Variants in TRIM33 observed in about 807,000 individuals in gnomAD.
TRIM33 encodes tripartite motif containing 33.
In TRIM33, 20 loss-of-function variants were observed where a neutral mutation model predicts 125.4. The ratio of observed to expected loss-of-function variants is 0.16; its 90% CI spans 0.11 to 0.23. The LOEUF (loss-of-function observed/expected upper bound fraction) is 0.23, where lower values mean the gene tolerates loss of function less well. Ranked by LOEUF, TRIM33 falls within the 10% of genes least tolerant of loss-of-function variation. TRIM33 has a pLI of 1.00. For synonymous variants in TRIM33, 564 were observed against 513.9 expected, an observed-to-expected ratio of 1.10 and a Z score of -1.32; for missense variants, 920 against 1,411.4, an observed-to-expected ratio of 0.65 and a Z score of 5.58.
intron 5 of TRIM33, among the ~76,000 whole-genome samples, chr1:114,432,431 T>C (rs1272530517): frequency 2.6e-5 from 4 of 152,284 alleles, no homozygotes; most frequent in South Asian, 2.1e-4. Context: ...CAATGGAGTG[T>C]GTGTGTGTGT....
chr1:114,482,195 T>C (rs1483656579), intron 1 of TRIM33, among the ~76,000 whole-genome samples: 4 of 152,132 alleles, frequency 2.6e-5, no homozygotes, highest in African/African-American at 7.2e-5. Flanking sequence ...CTTAATTTTG[T>C]CACATATGGC....
rs1335228534 is a variant in TRIM33, at chr1:114,394,532, T to C, written c.*3116A>G. ...AAAAGCATTATTTATTTCAATTAAC[T>C]AAAAATTCCAAAACTTATCACAAAA... is the stretch of plus-strand genomic sequence containing the variant. On this transcript the variant is annotated 3_prime_UTR_variant, in exon 20 of 20. Coordinates refer to ENST00000358465, the MANE Select transcript of TRIM33 (RefSeq NM_015906.4). 2.4e-5 allele frequency: 5 copies of C among 211,510 alleles called. No homozygotes were observed. The highest frequency in any genetic ancestry group is 1.8e-4 in the Admixed American group (3 of 17,026). 13.1% of individuals were successfully genotyped at this position (211,510 alleles called of 1,614,324 possible). A position where few individuals can be genotyped will look rare whatever the true frequency, so the allele number is the denominator to read the frequency against.
chr1:114,489,871 A>G (rs537509540), intron 1 of TRIM33, among the ~76,000 whole-genome samples: 2 of 152,278 alleles, frequency 1.3e-5, no homozygotes, highest in South Asian at 2.1e-4. Flanking sequence ...TCCACACACA[A>G]AAAACTTTTG....
intron 1 of TRIM33, among the ~76,000 whole-genome samples, chr1:114,471,443 CAAAA>C (rs34336957): frequency 1.0e-5 from 1 of 100,042 alleles, no homozygotes; most frequent in Non-Finnish European, 2.0e-5. Context: ...GATTCTGTCT[CAAAA>C]AAAAAAAAAA....
chr1:114,447,582 T>TA (rs1160646226), intron 4 of TRIM33, among the ~76,000 whole-genome samples: 1 of 152,158 alleles, frequency 6.6e-6, no homozygotes, highest in East Asian at 1.9e-4. Flanking sequence ...GCTAGAAATA[T>TA]AAATTTGGAA....
chr1:114,492,353 T>C (rs1479651651), intron 1 of TRIM33, among the ~76,000 whole-genome samples: 1 of 152,222 alleles, frequency 6.6e-6, no homozygotes, highest in Non-Finnish European at 1.5e-5. Flanking sequence ...GGTATATACA[T>C]ATAACATAAA....
At chr1:114,453,351 G>C (rs1257648844) in intron 4 of TRIM33, among the ~76,000 whole-genome samples, 1 of 149,088 alleles carries the variant, frequency 6.7e-6, no homozygotes, top group Non-Finnish European at 1.5e-5. Context: ...GCAACAGAGA[G>C]AGTCTGTCTC....
chr1:114,443,510 T>C (rs768407551), intron 4 of TRIM33, among the ~76,000 whole-genome samples: 1 of 152,318 alleles, frequency 6.6e-6, no homozygotes, highest in Non-Finnish European at 1.5e-5. Context: ...GTGCTCAGAT[T>C]ACAGGCGTGG....
intron 11 of TRIM33, among the ~76,000 whole-genome samples, chr1:114,418,375 A>G (rs1379596213): frequency 6.6e-6 from 1 of 152,228 alleles, no homozygotes; most frequent in Non-Finnish European, 1.5e-5. Flanking sequence ...CAAAAATTCT[A>G]TCAGTGAAAG....
chr1:114,507,509 C>T (rs1653070145), intron 1 of TRIM33, among the ~76,000 whole-genome samples: 1 of 152,182 alleles, frequency 6.6e-6, no homozygotes, highest in Non-Finnish European at 1.5e-5. Context: ...CTATGATCTC[C>T]AGACCAGAGA....
Position 114,424,609 on chromosome 1 carries a change from C to T in TRIM33, c.1842G>A (p.Gln614=), listed in dbSNP as rs1014070213. The change falls in exon 10 of 20, where the codon CAG becomes CAA. Residue 614 remains glutamine, a synonymous_variant. Coordinates refer to ENST00000358465, the MANE Select transcript of TRIM33 (RefSeq NM_015906.4). Reference sequence around the variant, plus strand: ...GGCATACTTGTCTTTGGAGGTGTGGCTGCATCATGGAATATTGAGGGCCGC... The same window carrying T: ...GGCATACTTGTCTTTGGAGGTGTGGTTGCATCATGGAATATTGAGGGCCGC... The part of the protein sequence containing the change: ...RHSGPQYSMM[Q]PHLQRQHSNP... The T allele has an allele frequency of 3.3e-5, 53 of 1,594,994 alleles. No individual in the cohort carries two copies. Among genetic ancestry groups the T allele is most frequent in the Non-Finnish European group, 4.3e-5 (50 of 1,173,066 alleles).
At chr1:114,417,411 G>A (rs1452897687) in intron 11 of TRIM33, among the ~76,000 whole-genome samples, 1 of 152,134 alleles carries the variant, frequency 6.6e-6, no homozygotes, top group East Asian at 1.9e-4. Flanking sequence ...TTAAGAACTA[G>A]AACCAAGTCT....
chr1:114,396,729 G>T lies in TRIM33; in HGVS notation c.*919C>A, dbSNP rs1651560084. On this transcript the variant is annotated 3_prime_UTR_variant, in exon 20 of 20. Coordinates refer to ENST00000358465, the MANE Select transcript of TRIM33 (RefSeq NM_015906.4). The stretch of plus-strand genomic sequence containing the variant: ...ACACATTTGGTAGTTGACAGATACT[G>T]TTTGCCAATAGTGGTCTATCAGAAA... 4.8e-6 allele frequency: 1 copy of T among 207,306 alleles called. No individual in the cohort carries two copies. The highest frequency in any genetic ancestry group is 1.9e-4 in the South Asian group (1 of 5,304). The allele number at this position is 207,306 out of a possible 1,614,324, so 12.8% of individuals were successfully genotyped here.
At chr1:114,503,063 CATT>C (rs1652802241) in intron 1 of TRIM33, among the ~76,000 whole-genome samples, 1 of 152,168 alleles carries the variant, frequency 6.6e-6, no homozygotes, top group South Asian at 2.1e-4. Context: ...CTTTTCAGAT[CATT>C]GTGTGGATAT....
At chr1:114,437,537 C>T (rs1352759132) in intron 4 of TRIM33, among the ~76,000 whole-genome samples, 2 of 152,054 alleles carry the variant, frequency 1.3e-5, no homozygotes, top group Non-Finnish European at 2.9e-5. Flanking sequence ...TGGGGCGTCA[C>T]CATGTTGGCC....
intron 1 of TRIM33, among the ~76,000 whole-genome samples, chr1:114,470,807 T>G (rs1193132265): frequency 2.0e-5 from 3 of 152,128 alleles, no homozygotes; most frequent in African/African-American, 7.2e-5. Context: ...AGTTTTGTGT[T>G]TTGTTTTGTT....
chr1:114,446,951 G>A (rs139676754), intron 4 of TRIM33, among the ~76,000 whole-genome samples: 107 of 152,240 alleles, frequency 7.0e-4, no homozygotes, highest in African/African-American at 2.5e-3. Flanking sequence ...TGAGGCAGAA[G>A]GATTGCTTAA....
rs140449623 is a variant in TRIM33, at chr1:114,497,660, A to G, written c.526+12891T>C. Among the ~76,000 whole-genome samples, 29 of 152,316 alleles carry G rather than the reference A, an allele frequency of 1.9e-4. No individual in the cohort carries two copies. The East Asian group carries it at 5.4e-3, about 28-fold the overall frequency. On this transcript the variant is annotated intron_variant, in intron 1 of 19. Coordinates refer to ENST00000358465, the MANE Select transcript of TRIM33 (RefSeq NM_015906.4). ...TTTCCCAACTATTTAAAATATAAAA[A>G]TCATTCTTGGCTCACAGGTCATACA...
At chr1:114,474,023 C>T (rs907145859) in intron 1 of TRIM33, among the ~76,000 whole-genome samples, 9 of 152,012 alleles carry the variant, frequency 5.9e-5, no homozygotes, top group African/African-American at 1.9e-4. Context: ...ATCAGCCTCC[C>T]AAGTAGTTAG....
Sources: gnomAD v4.1 joint callset for allele counts (sites outside exome capture counted in the v4.1 genomes callset) on GRCh38, gnomAD v4.1.1 for gene constraint, MANE v1.5 for transcripts, NCBI Gene and HGNC (gene_info 2026-07-23, HGNC 2026-07-21) for gene names.